Variants in RGPD4 observed in about 807,000 individuals in gnomAD.
RGPD4 encodes the protein ranBP2-like and GRIP domain-containing protein 4.
In RGPD4, 84 loss-of-function variants were observed where a neutral mutation model predicts 141.1. The observed-to-expected ratio is 0.60, with a 90% CI of 0.50 to 0.71. The LOEUF (loss-of-function observed/expected upper bound fraction) is 0.71, where lower values mean the gene tolerates loss of function less well. Ranked by LOEUF, RGPD4 falls within the 30% of genes least tolerant of loss-of-function variation. The pLI is 0.00. For missense variants in RGPD4, 918 were observed against 1,622.4 expected, an observed-to-expected ratio of 0.57 and a Z score of 7.46; for synonymous variants, 298 against 566.8, an observed-to-expected ratio of 0.53 and a Z score of 6.74.
At chr2:107,830,314 C>T (rs1252005834) in intron 1 of RGPD4, among the ~76,000 whole-genome samples, 1 of 146,526 alleles carries the variant, frequency 6.8e-6, no homozygotes, top group Non-Finnish European at 1.5e-5. Context: ...CCACTCTGCT[C>T]AGCCTGATTT....
intron 1 of RGPD4, among the ~76,000 whole-genome samples, chr2:107,829,761 G>A (rs1255126164): frequency 6.6e-6 from 1 of 152,128 alleles, no homozygotes; most frequent in Non-Finnish European, 1.5e-5. Flanking sequence ...GCTTGTTCCC[G>A]ACGGTGCTCG....
intron 12 of RGPD4, 57 bp from the exon 13 acceptor site, chr2:107,860,709 T>A: frequency 2.0e-6 from 3 of 1,534,922 alleles, no homozygotes; most frequent in Non-Finnish European, 2.7e-6. Context: ...GTAAATGAAC[T>A]TTAGATCTAA....
chr2:107,879,961 G>T lies in RGPD4; in HGVS notation c.4925-7G>T. 1.2e-6 allele frequency: 2 copies of T among 1,610,274 alleles called. No individual in the cohort carries two copies. The highest frequency in any genetic ancestry group is 1.1e-5 in the South Asian group (1 of 90,926). On this transcript the variant is annotated splice_polypyrimidine_tract_variant and splice_region_variant and intron_variant, in intron 20 of 22. Transcript: ENST00000408999. The stretch of plus-strand genomic sequence containing the variant: ...TGAAAATTAATTCTTGGAACAACAT[G>T]TTGCAGAGCCTCCATTATGGCATGC...
chr2:107,880,117 G>C lies in RGPD4; in HGVS notation c.5064+10G>C. ...TATGGAGCAAATTAAGGTGAGATCA[G>C]AAAACCTGGCCACCATGAAAACTGC... On this transcript the variant is annotated intron_variant, in intron 21 of 22. Coordinates refer to ENST00000408999, the MANE Select transcript of RGPD4 (RefSeq NM_182588.3). 1 of 1,611,480 alleles carries C rather than the reference G, an allele frequency of 6.2e-7. No homozygotes were observed.
At chr2:107,832,130 T>G (rs1034586997) in intron 1 of RGPD4, among the ~76,000 whole-genome samples, 3 of 151,898 alleles carry the variant, frequency 2.0e-5, no homozygotes, top group African/African-American at 7.3e-5. Flanking sequence ...ACTCAGCAAC[T>G]TAAACCCTCA....
At chr2:107,862,379 GT>G (rs1682571685) in intron 15 of RGPD4, among the ~76,000 whole-genome samples, 2 of 150,778 alleles carry the variant, frequency 1.3e-5, no homozygotes, top group Non-Finnish European at 3.0e-5. Flanking sequence ...AATTATCATG[GT>G]TAACAGAAGT....
At position 107,882,704 on chromosome 2, in the gene RGPD4, G is replaced by T; in HGVS notation, c.5097G>T (p.Arg1699Ser). 5.6e-6 allele frequency: 9 copies of T among 1,611,552 alleles called. No individual in the cohort carries two copies. Among genetic ancestry groups the T allele is most frequent in the Non-Finnish European group, 7.6e-6 (9 of 1,179,848 alleles). Residue 1699 changes from arginine (R) to serine (S), a missense_variant, in exon 22 of 23, where the codon AGG (arginine) becomes AGT (serine). By Grantham distance (110) the Arg-to-Ser change is moderately radical. Transcript: ENST00000408999. Reference sequence around the variant, plus strand: ...AAAGTGAAATAAGAAGATTGGAAAGGAATCAAGAGCAAGAGGAGTCTGCAG... The same window carrying T: ...AAAGTGAAATAAGAAGATTGGAAAGTAATCAAGAGCAAGAGGAGTCTGCAG... ...LLKSEIRRLE[R>S]NQEQEESAAN... is the part of the protein sequence containing the mutation.
intron 6 of RGPD4, among the ~76,000 whole-genome samples, chr2:107,846,794 A>G (rs547883009): frequency 1.1e-3 from 173 of 151,832 alleles, no homozygotes; most frequent in Middle Eastern, 3.4e-3. Flanking sequence ...ATGAAAAATA[A>G]TTATTTTCCA....
chr2:107,831,198 A>G (rs1200124149), intron 1 of RGPD4, among the ~76,000 whole-genome samples: 2 of 141,794 alleles, frequency 1.4e-5, no homozygotes, highest in Non-Finnish European at 3.1e-5. Context: ...AAAAGAAAAA[A>G]AATATATAAT....
At chr2:107,881,620 G>A (rs1675369212) in intron 21 of RGPD4, among the ~76,000 whole-genome samples, 3 of 150,796 alleles carry the variant, frequency 2.0e-5, no homozygotes, top group African/African-American at 7.4e-5. Flanking sequence ...CTGGCCAAAT[G>A]TTATATTTTC....
At chr2:107,834,625 C>T (rs1229030100) in intron 1 of RGPD4, among the ~76,000 whole-genome samples, 4 of 151,252 alleles carry the variant, frequency 2.6e-5, no homozygotes, top group African/African-American at 9.8e-5. Flanking sequence ...TTTAAAATGG[C>T]ACCAAAGAGC....
intron 7 of RGPD4, among the ~76,000 whole-genome samples, chr2:107,849,625 C>T (rs1406594644): frequency 1.3e-5 from 1 of 79,410 alleles, no homozygotes; most frequent in Non-Finnish European, 2.7e-5. Flanking sequence ...CTGCCTCAGC[C>T]TCCCAGAGTG....
At chr2:107,828,281 G>T (rs1342221411) in intron 1 of RGPD4, among the ~76,000 whole-genome samples, 1 of 31,802 alleles carries the variant, frequency 3.1e-5, no homozygotes, top group Non-Finnish European at 6.5e-5. Context: ...GGCTCCCGAC[G>T]GGCGCTGCTC....
At chr2:107,867,015 T>G (rs574718133) in intron 18 of RGPD4, among the ~76,000 whole-genome samples, 175 of 148,396 alleles carry the variant, frequency 1.2e-3, no homozygotes, top group African/African-American at 2.4e-3. Context: ...AATGTAATTT[T>G]ATTTAATTAC....
intron 6 of RGPD4, among the ~76,000 whole-genome samples, chr2:107,847,045 T>A (rs867987556): frequency 0.041 from 6,201 of 150,418 alleles, 386 homozygotes; most frequent in African/African-American, 0.14. Flanking sequence ...ATCGAGACCA[T>A]CCCAGCTAAC....
At chr2:107,877,747 A>C (rs1196746428) in intron 20 of RGPD4, among the ~76,000 whole-genome samples, 1 of 151,790 alleles carries the variant, frequency 6.6e-6, no homozygotes, top group Non-Finnish European at 1.5e-5. Flanking sequence ...CTTAGCTAGT[A>C]GCAATTAATT....
chr2:107,854,786 A>G, intron 8 of RGPD4, 143 bp downstream of exon 8: 1 of 947,406 alleles, frequency 1.1e-6, no homozygotes. Context: ...AGCAATAGGT[A>G]TGGAAGAGAT....
In RGPD4 at chr2:107,846,232, G is replaced by A. The variant is rs550137801; in HGVS notation, c.783-2109G>A. 2.8e-3 allele frequency among the ~76,000 whole-genome samples: 423 copies of A among 149,412 alleles called. 4 individuals are homozygous for A. The highest frequency in any genetic ancestry group is 9.4e-3 in the African/African-American group (378 of 40,224). On this transcript the variant is annotated intron_variant, in intron 6 of 22. Transcript: ENST00000408999. Reference sequence around the variant, plus strand: ...TGAGCCACCGCGCCCGGCTGGTCTCGATCTCTTGACCTCTTGATCTGTCTA... The same window carrying A: ...TGAGCCACCGCGCCCGGCTGGTCTCAATCTCTTGACCTCTTGATCTGTCTA...
chr2:107,889,131 G>T (rs1675583429), intron 22 of RGPD4, among the ~76,000 whole-genome samples: 3 of 150,120 alleles, frequency 2.0e-5, no homozygotes. Flanking sequence ...ATATACGTAT[G>T]AAAACACAGA....
Sources: gnomAD v4.1 joint callset for allele counts (sites outside exome capture counted in the v4.1 genomes callset) on GRCh38, gnomAD v4.1.1 for gene constraint, MANE v1.5 for transcripts, NCBI Gene and HGNC (gene_info 2026-07-23, HGNC 2026-07-21) for gene names.